The following SORCS1 variants were observed in gnomAD, a reference collection of about 807,000 sequenced individuals.
The protein encoded by SORCS1 is VPS10 domain-containing receptor SorCS1.
Under a neutral mutation model 146.1 loss-of-function variants are expected in SORCS1, and 60 were observed. That is an observed-to-expected ratio of 0.41 (90% CI 0.33 to 0.51). SORCS1 has a LOEUF of 0.51. Ranked by LOEUF, SORCS1 falls within the 20% of genes least tolerant of loss-of-function variation. The probability of loss-of-function intolerance (pLI) is 0.21; values close to 1 mark genes in which losing one functional copy is unlikely to be tolerated. For synonymous variants in SORCS1, 637 were observed against 584.0 expected (o/e 1.09, Z -1.31); for missense variants, 1,352 against 1,487.6 (o/e 0.91, Z 1.50).
chr10:106,992,831 T>C (rs1449336338), intron 1 of SORCS1, among the ~76,000 whole-genome samples: 17 of 132,894 alleles, frequency 1.3e-4, no homozygotes, highest in East Asian at 6.3e-4. Flanking sequence ...TCTTTCTTTT[T>C]TTTTTTTTTT....
intron 2 of SORCS1, among the ~76,000 whole-genome samples, chr10:106,898,501 G>A (rs905521341): frequency 2.0e-5 from 3 of 152,144 alleles, no homozygotes; most frequent in South Asian, 2.1e-4. Flanking sequence ...CAACCATTCC[G>A]AAATGAGCAT....
At chr10:106,685,235 G>A (rs532295656) in intron 10 of SORCS1, among the ~76,000 whole-genome samples, 13 of 152,096 alleles carry the variant, frequency 8.5e-5, no homozygotes, top group African/African-American at 1.4e-4. Flanking sequence ...AACACCTTTC[G>A]ATGGAGTGCA....
At chr10:106,838,960 A>G (rs1462611289) in intron 2 of SORCS1, among the ~76,000 whole-genome samples, 2 of 152,236 alleles carry the variant, frequency 1.3e-5, no homozygotes, top group East Asian at 3.9e-4. Context: ...GGCAAATTTA[A>G]TCAATAAATA....
intron 1 of SORCS1, among the ~76,000 whole-genome samples, chr10:107,134,420 C>T (rs1363525778): frequency 2.0e-5 from 3 of 152,108 alleles, no homozygotes; most frequent in Non-Finnish European, 4.4e-5. Flanking sequence ...GGATGGATCA[C>T]GAGGTCAGGA....
At chr10:106,839,029 T>G (rs1217790521) in intron 2 of SORCS1, among the ~76,000 whole-genome samples, 2 of 152,164 alleles carry the variant, frequency 1.3e-5, no homozygotes, top group African/African-American at 2.4e-5. Context: ...CTCCCTCCTT[T>G]TCTTTCCTCC....
chr10:106,836,980 G>C (rs1948816568), intron 2 of SORCS1, among the ~76,000 whole-genome samples: 1 of 152,168 alleles, frequency 6.6e-6, no homozygotes, highest in Non-Finnish European at 1.5e-5. Context: ...ACCCACTGCA[G>C]TGCCTACATG....
chr10:106,960,981 T>C lies in SORCS1; in HGVS notation c.559-4401A>G, dbSNP rs1309722240. On this transcript the variant is annotated intron_variant, in intron 1 of 25. Transcript: ENST00000263054. This position sits in a 1 kb window ranked among gnomAD's most constrained non-coding sequence, Gnocchi z 4.4. ...AACTCTAGCCCTCACTCCTTCTGGA[T>C]AGGGAGTTGAGAAACCATCACAAAG... 1.3e-5 allele frequency among the ~76,000 whole-genome samples: 2 copies of C among 152,170 alleles called. No individual in the cohort carries two copies. The highest frequency in any genetic ancestry group is 4.8e-5 in the African/African-American group (2 of 41,440).
chr10:106,849,414 T>G (rs1241101926), intron 2 of SORCS1, among the ~76,000 whole-genome samples: 4 of 147,622 alleles, frequency 2.7e-5, no homozygotes, highest in East Asian at 4.1e-4. Flanking sequence ...AGGTAGTTCT[T>G]GAGCCTTGGT....
At chr10:107,180,028 C>T in the SORCS1 span, among the ~76,000 whole-genome samples, 9 of 149,632 alleles carry the variant, frequency 6.0e-5, no homozygotes, top group African/African-American at 2.2e-4. Context: ...GCAATCATCC[C>T]ACCTCAGCTT....
In SORCS1 at chr10:106,878,646, A is replaced by ATATATATATT. The variant is rs1200849744; in HGVS notation, c.627-48974_627-48973insAATATATATA. On this transcript the variant is annotated intron_variant, in intron 2 of 25. Transcript: ENST00000263054. The stretch of plus-strand genomic sequence containing the variant: ...TATATATATATATATATATATATAT[A>ATATATATATT]TATTTTATAGCAGCCTGAATGGACT... Among the ~76,000 whole-genome samples, 114 of 117,850 alleles carry ATATATATATT rather than the reference A, an allele frequency of 9.7e-4. 6 individuals carry two copies. Among genetic ancestry groups the ATATATATATT allele is most frequent in the Admixed American group, 1.7e-3 (19 of 11,254 alleles). The allele number at this position is 117,850 out of a possible 152,430, so 77.3% of individuals were successfully genotyped here. A position where few individuals can be genotyped will look rare whatever the true frequency, so the allele number is the denominator to read the frequency against.
At chr10:106,841,718 T>A (rs1949053048) in intron 2 of SORCS1, among the ~76,000 whole-genome samples, 1 of 152,336 alleles carries the variant, frequency 6.6e-6, no homozygotes. Context: ...TTTCACTTAG[T>A]GATATACATC....
At chr10:106,959,563 C>T (rs957742449) in intron 1 of SORCS1, among the ~76,000 whole-genome samples, 7 of 152,210 alleles carry the variant, frequency 4.6e-5, no homozygotes, top group African/African-American at 1.4e-4. Context: ...AAAATCACTA[C>T]ATTTAAATGA....
In SORCS1 at chr10:106,587,371, C is replaced by T. The variant is rs983191253; in HGVS notation, c.3266-7897G>A. Among the ~76,000 whole-genome samples the T allele has an allele frequency of 2.0e-5, 3 of 152,250 alleles. No individual in the cohort carries two copies. The East Asian group carries it at 5.8e-4, about 29-fold the overall frequency. On this transcript the variant is annotated intron_variant, in intron 24 of 25. Transcript: ENST00000263054. Reference sequence around the variant, plus strand: ...TATTGCAACAATTTACTTCACTTTACAGTTCAGAGTTCCACAACTCCTATT... The same window carrying T: ...TATTGCAACAATTTACTTCACTTTATAGTTCAGAGTTCCACAACTCCTATT...
chr10:106,815,577 G>A (rs1341599470), intron 3 of SORCS1, among the ~76,000 whole-genome samples: 1 of 152,170 alleles, frequency 6.6e-6, no homozygotes, highest in Non-Finnish European at 1.5e-5. Context: ...CTGGGTAAGA[G>A]AATGCTGACT....
At chr10:106,747,341 T>G (rs1857814678) in intron 5 of SORCS1, among the ~76,000 whole-genome samples, 2 of 152,232 alleles carry the variant, frequency 1.3e-5, no homozygotes, top group South Asian at 4.1e-4. Flanking sequence ...CCAAGTTCCA[T>G]TCCCAAACCA....
chr10:106,703,083 C>T (rs1854248623), intron 8 of SORCS1, among the ~76,000 whole-genome samples: 1 of 151,730 alleles, frequency 6.6e-6, no homozygotes, highest in Admixed American at 6.6e-5. Context: ...ACATATTTGA[C>T]CACACAACCA....
At chr10:106,717,842 C>T (rs185719972) in intron 6 of SORCS1, among the ~76,000 whole-genome samples, 117 of 152,244 alleles carry the variant, frequency 7.7e-4, no homozygotes, top group African/African-American at 2.6e-3. Flanking sequence ...ATGGGCTTGC[C>T]GGTGAAATAT....
At chr10:107,040,924 C>T (rs1274119370) in intron 1 of SORCS1, among the ~76,000 whole-genome samples, 1 of 152,016 alleles carries the variant, frequency 6.6e-6, no homozygotes, top group African/African-American at 2.4e-5. Context: ...CATACACAGC[C>T]CAAAGAGCAT....
intron 9 of SORCS1, among the ~76,000 whole-genome samples, chr10:106,697,433 G>A (rs537484385): frequency 6.7e-6 from 1 of 148,346 alleles, no homozygotes; most frequent in Non-Finnish European, 1.5e-5. Context: ...TCCAGCCTGG[G>A]TGACAGAGTG....
Sources: gnomAD v4.1 joint callset for allele counts (sites outside exome capture counted in the v4.1 genomes callset) on GRCh38, gnomAD v4.1.1 for gene constraint, Gnocchi (gnomAD v3.1) non-coding constraint, MANE v1.5 for transcripts, NCBI Gene and HGNC (gene_info 2026-07-23, HGNC 2026-07-21) for gene names.